MGMT: variants seen among roughly 807,000 people sequenced by gnomAD.
MGMT encodes the protein methylated-DNA--protein-cysteine methyltransferase.
Under a neutral mutation model 15.9 loss-of-function variants are expected in MGMT, and 14 were observed. The ratio of observed to expected loss-of-function variants is 0.88; its 90% CI spans 0.58 to 1.37. The LOEUF is 1.37. MGMT is among the 40% of genes most tolerant of loss of function. The probability of loss-of-function intolerance (pLI) is 0.00; values close to 1 mark genes in which losing one functional copy is unlikely to be tolerated. For missense variants in MGMT, 282 were observed against 268.1 expected (o/e 1.05, Z -0.36); for synonymous variants, 130 against 118.2 (o/e 1.10, Z -0.65).
intron 2 of MGMT, among the ~76,000 whole-genome samples, chr10:129,584,028 C>T (rs921272218): frequency 3.3e-5 from 5 of 152,128 alleles, no homozygotes; most frequent in East Asian, 1.9e-4. Context: ...AGGAAGTCTC[C>T]GATGCAGAAG....
At chr10:129,599,936 A>G (rs907313381) in intron 2 of MGMT, among the ~76,000 whole-genome samples, 1 of 152,204 alleles carries the variant, frequency 6.6e-6, no homozygotes, top group Non-Finnish European at 1.5e-5. Flanking sequence ...ACTAATGTAC[A>G]TTGGTCTTTC....
intron 1 of MGMT, among the ~76,000 whole-genome samples, chr10:129,515,425 C>T (rs1361185095): frequency 1.3e-5 from 2 of 152,202 alleles, no homozygotes; most frequent in Non-Finnish European, 2.9e-5. Context: ...AGATACAGTG[C>T]AGAGTCCTTG....
At chr10:129,705,994 C>T (rs1015439448) in intron 2 of MGMT, among the ~76,000 whole-genome samples, 1 of 152,240 alleles carries the variant, frequency 6.6e-6, no homozygotes, top group African/African-American at 2.4e-5. Flanking sequence ...TCATGGTCCT[C>T]CAGCTCTTCC....
At chr10:129,723,379 C>A (rs1848395786) in intron 3 of MGMT, among the ~76,000 whole-genome samples, 1 of 152,144 alleles carries the variant, frequency 6.6e-6, no homozygotes, top group African/African-American at 2.4e-5. Context: ...AAATATTATT[C>A]ACCATGACCT....
intron 2 of MGMT, among the ~76,000 whole-genome samples, chr10:129,704,700 T>TG (rs1848139022): frequency 6.6e-6 from 1 of 152,062 alleles, no homozygotes; most frequent in African/African-American, 2.4e-5. Context: ...TTTGTGTGCT[T>TG]GGAAACCTCT....
At chr10:129,720,937 A>G (rs1270358829) in intron 3 of MGMT, among the ~76,000 whole-genome samples, 1 of 126,456 alleles carries the variant, frequency 7.9e-6, no homozygotes, top group African/African-American at 3.0e-5. Flanking sequence ...TTTAAATGTC[A>G]GGGGGAAAAA....
intron 1 of MGMT, among the ~76,000 whole-genome samples, chr10:129,472,683 A>T (rs9663501): frequency 0.34 from 50,966 of 152,054 alleles, 8,857 homozygotes; most frequent in Non-Finnish European, 0.38. Flanking sequence ...GGCCAGGGAC[A>T]GTTCCCATCC....
chr10:129,752,077 C>A (rs532712889), intron 3 of MGMT, among the ~76,000 whole-genome samples: 1 of 152,000 alleles, frequency 6.6e-6, no homozygotes, highest in Admixed American at 6.5e-5. Context: ...TCACCTAGTT[C>A]TATTGATTAT....
At chr10:129,725,577 C>T (rs1483584464) in intron 3 of MGMT, among the ~76,000 whole-genome samples, 3 of 152,248 alleles carry the variant, frequency 2.0e-5, no homozygotes, top group Non-Finnish European at 4.4e-5. Context: ...AGTTTGTGCA[C>T]ATGGCATGCC....
intron 1 of MGMT, among the ~76,000 whole-genome samples, chr10:129,503,278 C>T (rs968335852): frequency 6.6e-6 from 1 of 152,218 alleles, no homozygotes. Flanking sequence ...ATCCAATGTC[C>T]CTGCCACTTC....
intron 3 of MGMT, among the ~76,000 whole-genome samples, chr10:129,746,556 C>G (rs1264367778): frequency 6.6e-6 from 1 of 152,034 alleles, no homozygotes; most frequent in African/African-American, 2.4e-5. Flanking sequence ...TCCAGCACCT[C>G]TTTTTGAAAA....
intron 2 of MGMT, among the ~76,000 whole-genome samples, chr10:129,591,923 T>G (rs1846691605): frequency 6.6e-6 from 1 of 152,140 alleles, no homozygotes. Context: ...AGAGCGAGAC[T>G]CCGTCTCAAA....
chr10:129,716,569 C>A (rs547270780), intron 3 of MGMT, among the ~76,000 whole-genome samples: 1 of 152,190 alleles, frequency 6.6e-6, no homozygotes, highest in African/African-American at 2.4e-5. Context: ...TCAAGAGACA[C>A]GTCAGGACTT....
chr10:129,598,173 G>A (rs568908478), intron 2 of MGMT, among the ~76,000 whole-genome samples: 1 of 152,330 alleles, frequency 6.6e-6, no homozygotes, highest in South Asian at 2.1e-4. Context: ...CTCAGGGTGG[G>A]TGCATGGAGC....
At chr10:129,509,820 C>T (rs1015910933) in intron 1 of MGMT, among the ~76,000 whole-genome samples, 15 of 152,226 alleles carry the variant, frequency 9.9e-5, no homozygotes, top group African/African-American at 3.6e-4. Flanking sequence ...CTCCTGTCCA[C>T]AGCTTTTGAG....
At chr10:129,529,001 GAGAA>G (rs1845901166) in intron 1 of MGMT, among the ~76,000 whole-genome samples, 1 of 152,182 alleles carries the variant, frequency 6.6e-6, no homozygotes, top group African/African-American at 2.4e-5. Context: ...AAATAAGGCA[GAGAA>G]AGAAGGGGTG....
intron 1 of MGMT, among the ~76,000 whole-genome samples, chr10:129,497,582 C>G (rs545896260): frequency 3.5e-4 from 54 of 152,348 alleles, no homozygotes; most frequent in African/African-American, 1.2e-3. Flanking sequence ...ACACCTCACA[C>G]TTACCACAAC....
At chr10:129,617,419 C>T (rs999443070) in intron 2 of MGMT, among the ~76,000 whole-genome samples, 5 of 151,974 alleles carry the variant, frequency 3.3e-5, no homozygotes, top group African/African-American at 7.3e-5. Flanking sequence ...ATGGTAGAAC[C>T]GTTTATATTC....
At chr10:129,650,213 G>A (rs1004582468) in intron 2 of MGMT, among the ~76,000 whole-genome samples, 2 of 152,154 alleles carry the variant, frequency 1.3e-5, no homozygotes, top group Non-Finnish European at 1.5e-5. Flanking sequence ...GGGTAGCCTC[G>A]CCCTGGGAGG....
Sources: gnomAD v4.1 joint callset for allele counts (sites outside exome capture counted in the v4.1 genomes callset) on GRCh38, gnomAD v4.1.1 for gene constraint, MANE v1.5 for transcripts, NCBI Gene and HGNC (gene_info 2026-07-23, HGNC 2026-07-21) for gene names.